ZNF311: variants seen among roughly 807,000 people sequenced by gnomAD.
The protein encoded by ZNF311 is zinc finger protein zfp31.
Under a neutral mutation model 22.7 loss-of-function variants are expected in ZNF311, and 14 were observed. That is an observed-to-expected ratio of 0.62 (90% CI 0.41 to 0.96). The LOEUF (loss-of-function observed/expected upper bound fraction) is 0.96. Among genes scored for constraint, ZNF311 ranks in the 40% least tolerant of loss-of-function variants. ZNF311 has a pLI of 0.00. For synonymous variants in ZNF311, 250 were observed against 275.3 expected (o/e 0.91, Z 0.91); for missense variants, 731 against 799.0 (o/e 0.91, Z 1.03).
rs753257964 is a variant in ZNF311, at chr6:28,995,320, C to G, written c.1682G>C (p.Gly561Ala). ...GEKPHKCEVC[G>A]MAFHHSSVLR... is the part of the protein sequence containing the mutation. ...GACTGAACTATGATGGAAGGCCATT[C>G]CACATACCTCACATTTGTGAGGCTT... Residue 561 changes from glycine (G) to alanine (A), a missense_variant, in exon 7 of 7, where the codon GGA becomes GCA. Transcript: ENST00000377179. The surrounding 1 kb of genome is among the most constrained non-coding windows in gnomAD (Gnocchi z 4.7). The G allele has an allele frequency of 2.0e-5, 32 of 1,613,930 alleles. No individual in the cohort carries two copies. Among genetic ancestry groups the G allele is most frequent in the Non-Finnish European group, 2.5e-5 (30 of 1,180,050 alleles).
rs886334659 is a variant in ZNF311, at chr6:28,996,033, T to A, written c.969A>T (p.Lys323Asn). The A allele has an allele frequency of 4.3e-6, 7 of 1,613,458 alleles. No homozygotes were observed. The highest frequency in any genetic ancestry group is 3.3e-4 in the Middle Eastern group (2 of 6,062). The change falls in exon 7 of 7, where the codon AAA (lysine) becomes AAT (asparagine). Residue 323 changes from lysine (K) to asparagine (N), a missense_variant. Lys to Asn is a moderately conservative substitution (Grantham distance 94). Transcript: ENST00000377179. ...CGTGAGGCTTCTCCCCACTGTGGGTTTTTTTATGTCGGCAAAGAGCTGATC... is the reference window on the plus strand; with the variant it reads ...CGTGAGGCTTCTCCCCACTGTGGGTATTTTTATGTCGGCAAAGAGCTGATC... ...NSRSALCRHK[K>N]THSGEKPHEC...
Position 28,996,567 on chromosome 6 carries a change from C to G in ZNF311, c.435G>C (p.Trp145Cys), listed in dbSNP as rs1323403629. The change falls in exon 7 of 7, where the codon TGG becomes TGC. Residue 145 changes from tryptophan (W) to cysteine (C), a missense_variant. Physicochemically the swap from Trp to Cys is radical, Grantham distance 215. Coordinates refer to ENST00000377179, the MANE Select transcript of ZNF311 (RefSeq NM_001382360.1). Reference sequence around the variant, plus strand: ...GTGAACTTGCCTTTTCATTCTCAGGCCACATCTTGTCAGCTGACACTTAAA... The same window carrying G: ...GTGAACTTGCCTTTTCATTCTCAGGGCACATCTTGTCAGCTGACACTTAAA... ...CSYPVSADKM[W>C]PENEKASSQQ... 1 of 1,597,536 alleles carries G rather than the reference C, an allele frequency of 6.3e-7. No individual in the cohort carries two copies. Among genetic ancestry groups the G allele is most frequent in the African/African-American group, 1.3e-5 (1 of 74,286 alleles).
At chr6:29,002,951 C>A (rs945473627) in intron 3 of ZNF311, among the ~76,000 whole-genome samples, 3 of 152,162 alleles carry the variant, frequency 2.0e-5, no homozygotes, top group Non-Finnish European at 4.4e-5. Flanking sequence ...ATCTTAACCA[C>A]TTTTCCTCCT....
chr6:29,000,755 T>C (rs1291878225), intron 3 of ZNF311, among the ~76,000 whole-genome samples: 1 of 151,548 alleles, frequency 6.6e-6, no homozygotes, highest in African/African-American at 2.4e-5. Flanking sequence ...GTATAATCCA[T>C]ATGATTGGGT....
intron 4 of ZNF311, 56 bp from the exon 5 acceptor site, chr6:28,999,669 CAG>C (rs1780168322): frequency 1.9e-6 from 3 of 1,578,460 alleles, no homozygotes; most frequent in African/African-American, 2.7e-5. Context: ...CCTCAGGAAA[CAG>C]AGGCAGAAGA....
chr6:28,995,126 G>A lies in ZNF311; in HGVS notation c.1876C>T (p.Leu626Phe). 6.2e-7 allele frequency: 1 copy of A among 1,614,006 alleles called. No homozygotes were observed. The highest frequency in any genetic ancestry group is 8.5e-7 in the Non-Finnish European group (1 of 1,180,030). The change falls in exon 7 of 7, where the codon CTT becomes TTT. Residue 626 changes from leucine to phenylalanine, a missense_variant. Physicochemically the swap from Leu to Phe is conservative, Grantham distance 22. Transcript: ENST00000377179. The surrounding 1 kb of genome is among the most constrained non-coding windows in gnomAD (Gnocchi z 4.7). ...TGTTTTCTTTTCTTATGTCCAGTAA[G>A]ATTTGAGCTCACTCTAAAAGCTTTT... Reference protein sequence around the residue: ...CGKAFRVSSNLTGHKKRKHQV... With the variant: ...CGKAFRVSSNFTGHKKRKHQV...
In ZNF311 at chr6:29,003,597, A is replaced by G. The variant is rs1235070190; in HGVS notation, c.10-3T>C. 1 of 1,613,038 alleles carries G rather than the reference A, an allele frequency of 6.2e-7. No individual in the cohort carries two copies. The highest frequency in any genetic ancestry group is 1.1e-5 in the South Asian group (1 of 91,078). On this transcript the variant is annotated splice_region_variant and splice_polypyrimidine_tract_variant and intron_variant, in intron 2 of 6. Transcript: ENST00000377179. ...GAACTCTCATCCAACAGCACAACCT[A>G]TTGCAAGACACAGAATGAATTCAGG... is the stretch of plus-strand genomic sequence containing the variant.
At chr6:29,001,261 T>C (rs1780409566) in intron 3 of ZNF311, among the ~76,000 whole-genome samples, 1 of 152,220 alleles carries the variant, frequency 6.6e-6, no homozygotes, top group South Asian at 2.1e-4. Context: ...AAGTAATCTA[T>C]TGGTAAGATT....
chr6:29,003,728 G>T, intron 2 of ZNF311, 134 bp from the exon 3 acceptor site: 1 of 1,392,966 alleles, frequency 7.2e-7, no homozygotes, highest in East Asian at 2.3e-5. Context: ...GAAAATAATG[G>T]ACTCAGTTCC....
intron 3 of ZNF311, 97 bp from the exon 4 acceptor site, chr6:29,000,144 G>T: frequency 8.6e-7 from 1 of 1,168,724 alleles, no homozygotes. Context: ...AGCTTCTGCA[G>T]CTCTAACCTA....
chr6:29,004,764 G>A (rs974746842), intron 1 of ZNF311, among the ~76,000 whole-genome samples: 2 of 152,142 alleles, frequency 1.3e-5, no homozygotes, highest in African/African-American at 4.8e-5. Context: ...TCTACAGGAT[G>A]TGTCATTCTC....
intron 6 of ZNF311, among the ~76,000 whole-genome samples, chr6:28,998,340 C>T (rs1779928030): frequency 6.6e-6 from 1 of 151,380 alleles, no homozygotes. Context: ...ACCCAGCATG[C>T]ACCACCACAC....
Position 28,995,742 on chromosome 6 carries a change from ACACTTGCTG to A in ZNF311, c.1251_1259del (p.Ser418_Cys420del), listed in dbSNP as rs1779427745. Reference sequence around the variant, plus strand: ...CTGAGCTCCGACTGAAGGCCCTTCCACACTTGCTGCACTCATAAGGTCGTTCCCCAGTGT... The same window carrying A: ...CTGAGCTCCGACTGAAGGCCCTTCCACACTCATAAGGTCGTTCCCCAGTGT... On this transcript the variant is annotated inframe_deletion, in exon 7 of 7. Coordinates refer to ENST00000377179, the MANE Select transcript of ZNF311 (RefSeq NM_001382360.1). This position sits in a 1 kb window ranked among gnomAD's most constrained non-coding sequence, Gnocchi z 4.7. The A allele has an allele frequency of 6.2e-7, 1 of 1,613,666 alleles. No homozygotes were observed. The highest frequency in any genetic ancestry group is 1.1e-5 in the South Asian group (1 of 91,076).
chr6:29,002,734 C>T (rs1464748167), intron 3 of ZNF311, among the ~76,000 whole-genome samples: 1 of 151,878 alleles, frequency 6.6e-6, no homozygotes, highest in Non-Finnish European at 1.5e-5. Flanking sequence ...AATTCTTCTG[C>T]CTCAGCCTCC....
intron 3 of ZNF311, among the ~76,000 whole-genome samples, chr6:29,000,772 T>C (rs2150703961): frequency 6.8e-6 from 1 of 145,990 alleles, no homozygotes; most frequent in Middle Eastern, 3.6e-3. Flanking sequence ...GGGTGAGAAG[T>C]AGTTTCTTTT....
At position 28,998,739 on chromosome 6, in the gene ZNF311, T is replaced by C. The variant is rs923857666; in HGVS notation, c.410A>G (p.Tyr137Cys). Residue 137 changes from tyrosine (Y) to cysteine (C), a missense_variant, in exon 6 of 7, where the codon TAC becomes TGC. Physicochemically the swap from Tyr to Cys is radical, Grantham distance 194 (BLOSUM62 -2). Transcript: ENST00000377179. ...AAAGTTTCTCTATTACTCACCTGGG[T>C]AGGAGCAGCTTAGGGACTCCCTGTC... ...PQDRESLSCS[Y>C]PVSADKMWPE... is the part of the protein sequence containing the mutation. 3 of 1,609,950 alleles carry C rather than the reference T, an allele frequency of 1.9e-6. No individual in the cohort carries two copies. The highest frequency in any genetic ancestry group is 1.3e-5 in the African/African-American group (1 of 74,902).
At position 29,005,229 on chromosome 6, in the gene ZNF311, T is replaced by A. The variant is rs1781030510; in HGVS notation, c.-482A>T. On this transcript the variant is annotated 5_prime_UTR_variant, in exon 1 of 7. Transcript: ENST00000377179. The stretch of plus-strand genomic sequence containing the variant: ...CAATAGTATGTGCTGGATTAAAAAT[T>A]AGCTGACTGAATGAATATATGAATG... 6.7e-6 allele frequency: 1 copy of A among 149,770 alleles called. No homozygotes were observed. Among genetic ancestry groups the A allele is most frequent in the Admixed American group, 6.7e-5 (1 of 14,950 alleles). The allele number at this position is 149,770 out of a possible 1,614,324, so 9.3% of individuals were successfully genotyped here.
intron 3 of ZNF311, 46 bp from the exon 4 acceptor site, chr6:29,000,093 A>C: frequency 6.4e-7 from 1 of 1,554,314 alleles, no homozygotes; most frequent in Non-Finnish European, 8.8e-7. Context: ...CACAGTATTA[A>C]TGAAATCTCC....
Position 28,996,057 on chromosome 6 carries a change from T to C in ZNF311, c.945A>G (p.Arg315=), listed in dbSNP as rs1451782304. The stretch of plus-strand genomic sequence containing the variant: ...TTTTTTTATGTCGGCAAAGAGCTGA[T>C]CTACTGTTGAAAGCCTTCCCACACT... The part of the protein sequence containing the change: ...CTQCGKAFNS[R]SALCRHKKTH... The change falls in exon 7 of 7, where the codon AGA becomes AGG. Residue 315 remains arginine (R), a synonymous_variant. Transcript: ENST00000377179. The C allele has an allele frequency of 1.2e-6, 2 of 1,613,266 alleles. No homozygotes were observed. Among genetic ancestry groups the C allele is most frequent in the African/African-American group, 2.7e-5 (2 of 74,990 alleles).
Sources: gnomAD v4.1 joint callset for allele counts (sites outside exome capture counted in the v4.1 genomes callset) on GRCh38, gnomAD v4.1.1 for gene constraint, Gnocchi (gnomAD v3.1) non-coding constraint, MANE v1.5 for transcripts, NCBI Gene and HGNC (gene_info 2026-07-23, HGNC 2026-07-21) for gene names.